DISC1: variants seen among roughly 807,000 people sequenced by gnomAD.
DISC1 encodes the protein disrupted in schizophrenia 1 protein.
A neutral mutation model predicts 84.5 loss-of-function variants in DISC1; 57 were observed. The observed-to-expected ratio is 0.67, with a 90% CI of 0.55 to 0.84. The LOEUF (loss-of-function observed/expected upper bound fraction) is 0.84, where lower values mean the gene tolerates loss of function less well. DISC1 is among the 40% of genes least tolerant of loss of function. The probability of loss-of-function intolerance (pLI) is 0.00; values close to 1 mark genes in which losing one functional copy is unlikely to be tolerated. For missense variants in DISC1, 1,000 were observed against 1,057.8 expected, an observed-to-expected ratio of 0.95 and a Z score of 0.76; for synonymous variants, 411 against 415.2, an observed-to-expected ratio of 0.99 and a Z score of 0.12.
chr1:231,805,785 A>G (rs954441163), intron 8 of DISC1, among the ~76,000 whole-genome samples: 1 of 152,180 alleles, frequency 6.6e-6, no homozygotes, highest in Non-Finnish European at 1.5e-5. Flanking sequence ...GGGGACACAG[A>G]TCCAAACCAT....
At chr1:231,757,334 G>T (rs2075247056) in intron 4 of DISC1, among the ~76,000 whole-genome samples, 1 of 152,118 alleles carries the variant, frequency 6.6e-6, no homozygotes, top group African/African-American at 2.4e-5. Flanking sequence ...AGGGTCTTTG[G>T]TTCCCAGGTT....
chr1:231,650,017 A>G (rs893131347), intron 1 of DISC1, among the ~76,000 whole-genome samples: 1 of 152,092 alleles, frequency 6.6e-6, no homozygotes, highest in African/African-American at 2.4e-5. Context: ...TCTTTGTCCA[A>G]TTTGCCAGTC....
intron 9 of DISC1, among the ~76,000 whole-genome samples, chr1:231,941,506 C>T (rs1038939672): frequency 2.0e-5 from 3 of 150,870 alleles, no homozygotes; most frequent in South Asian, 2.1e-4. Context: ...TGGAGTCTTG[C>T]TCTGTCACCA....
At chr1:231,648,542 G>T (rs563845920) in intron 1 of DISC1, among the ~76,000 whole-genome samples, 6 of 152,142 alleles carry the variant, frequency 3.9e-5, no homozygotes, top group Admixed American at 3.9e-4. Flanking sequence ...TCTCTGCCAG[G>T]CTTTGGTATC....
chr1:231,833,016 A>G lies in DISC1; in HGVS notation c.1981+14499A>G, dbSNP rs572419815. Among the ~76,000 whole-genome samples the G allele has an allele frequency of 3.4e-4, 44 of 129,508 alleles. 1 individual carries two copies. Among genetic ancestry groups the G allele is most frequent in the East Asian group, 1.6e-3 (6 of 3,732 alleles). 85.0% of individuals were successfully genotyped at this position (129,508 alleles called of 152,430 possible). On this transcript the variant is annotated intron_variant, in intron 9 of 12. Coordinates refer to ENST00000439617, the MANE Select transcript of DISC1 (RefSeq NM_018662.3). ...GATGGTAAGGGGTGCATGATCGGTC[A>G]CCAAGGAGGGAGTAGAGGTATCTTA... is the stretch of plus-strand genomic sequence containing the variant.
chr1:231,901,217 A>G (rs568022825), intron 9 of DISC1, among the ~76,000 whole-genome samples: 1 of 152,330 alleles, frequency 6.6e-6, no homozygotes, highest in Admixed American at 6.5e-5. Flanking sequence ...TCAAACGGCT[A>G]TCAGAGAAAC....
chr1:231,945,748 C>A (rs1418258136), intron 9 of DISC1, among the ~76,000 whole-genome samples: 1 of 152,054 alleles, frequency 6.6e-6, no homozygotes, highest in Non-Finnish European at 1.5e-5. Flanking sequence ...AGAGAAGAAT[C>A]AAAGAGACGC....
At chr1:231,914,153 G>T (rs924794382) in intron 9 of DISC1, among the ~76,000 whole-genome samples, 15 of 152,218 alleles carry the variant, frequency 9.9e-5, no homozygotes, top group Non-Finnish European at 1.9e-4. Flanking sequence ...TTTACAATAC[G>T]GCTGCCCCAC....
intron 10 of DISC1, among the ~76,000 whole-genome samples, chr1:231,992,818 A>G (rs1377656147): frequency 2.6e-5 from 4 of 152,204 alleles, no homozygotes; most frequent in Non-Finnish European, 5.9e-5. Flanking sequence ...GAGTCCTTTG[A>G]ATGTAGCTTC....
intron 6 of DISC1, among the ~76,000 whole-genome samples, chr1:231,773,559 T>A (rs2076719997): frequency 6.6e-6 from 1 of 152,066 alleles, no homozygotes. Flanking sequence ...TAATTTTTTG[T>A]ATTTTTAGTA....
At chr1:231,830,639 T>C (rs1314680066) in intron 9 of DISC1, among the ~76,000 whole-genome samples, 1 of 151,994 alleles carries the variant, frequency 6.6e-6, no homozygotes, top group African/African-American at 2.4e-5. Flanking sequence ...AGACAGAAGA[T>C]AGTAGGGATG....
chr1:231,879,472 C>G (rs1436117858), intron 9 of DISC1, among the ~76,000 whole-genome samples: 2 of 151,906 alleles, frequency 1.3e-5, no homozygotes, highest in Admixed American at 1.3e-4. Flanking sequence ...GTGATGTGAT[C>G]AGATCTGTGC....
At chr1:231,921,899 A>G (rs1347390665) in intron 9 of DISC1, among the ~76,000 whole-genome samples, 1 of 147,932 alleles carries the variant, frequency 6.8e-6, no homozygotes, top group Non-Finnish European at 1.5e-5. Context: ...GTTATTACAT[A>G]GAGTCACCAT....
chr1:231,866,175 C>G (rs529414448), intron 9 of DISC1, among the ~76,000 whole-genome samples: 1 of 152,216 alleles, frequency 6.6e-6, no homozygotes, highest in South Asian at 2.1e-4. Flanking sequence ...CAAGTCTACC[C>G]CCTGCACGTG....
chr1:231,800,180 T>A lies in DISC1; in HGVS notation c.1762T>A (p.Leu588Met), dbSNP rs2079114406. 1 of 1,612,010 alleles carries A rather than the reference T, an allele frequency of 6.2e-7. No homozygotes were observed. The highest frequency in any genetic ancestry group is 1.7e-5 in the Admixed American group (1 of 59,874). ...CGATATTGAAACCCAACTACCAGCC[T>A]TGCTTGAAGCCAAAATGCATGCCAT... The part of the protein sequence containing the change: ...VNDIETQLPA[L>M]LEAKMHAISG... The change falls in exon 8 of 13, where the codon TTG becomes ATG. Residue 588 changes from leucine (L) to methionine (M), a missense_variant. Around this residue, in one of 3 missense-constraint regions of DISC1, gnomAD observed 397 missense variants for 377.5 expected, o/e 1.05. Coordinates refer to ENST00000439617, the MANE Select transcript of DISC1 (RefSeq NM_018662.3).
At chr1:231,766,736 C>T (rs2076203175) in intron 4 of DISC1, among the ~76,000 whole-genome samples, 1 of 152,044 alleles carries the variant, frequency 6.6e-6, no homozygotes, top group African/African-American at 2.4e-5. Context: ...TTCAATATAT[C>T]CAAAATATTA....
rs552473968 is a variant in DISC1 at position 231,750,138 on chromosome 1, A to G, written c.1268+62A>G. 2.5e-5 allele frequency: 40 copies of G among 1,575,854 alleles called. No individual in the cohort carries two copies. The East Asian group carries it at 9.0e-4, about 35-fold the overall frequency. ...TTTCTTCCTACCTCTCAGCTCCCAC[A>G]TAGTGAAGAGCTGGGAGGAGCTTAG... On this transcript the variant is annotated intron_variant, in intron 4 of 12. Transcript: ENST00000439617.
chr1:231,998,902 C>T (rs945563372), intron 10 of DISC1, among the ~76,000 whole-genome samples: 7 of 151,974 alleles, frequency 4.6e-5, no homozygotes, highest in South Asian at 4.2e-4. Context: ...ATTGCTTCAG[C>T]GGTGGGATGG....
chr1:231,867,460 A>T (rs556102076), intron 9 of DISC1, among the ~76,000 whole-genome samples: 28 of 151,866 alleles, frequency 1.8e-4, no homozygotes, highest in Middle Eastern at 3.4e-3. Context: ...AATAATAATA[A>T]TAGAGGGAAT....
Sources: gnomAD v4.1 joint callset for allele counts (sites outside exome capture counted in the v4.1 genomes callset) on GRCh38, gnomAD v4.1.1 for gene constraint, gnomAD v4.1.1 regional missense constraint, MANE v1.5 for transcripts, NCBI Gene and HGNC (gene_info 2026-07-23, HGNC 2026-07-21) for gene names.